The following EXOC2 variants were observed in gnomAD, a reference collection of about 807,000 sequenced individuals.
EXOC2 encodes exocyst complex component 2.
Under a neutral mutation model 131.8 loss-of-function variants are expected in EXOC2, and 70 were observed. The observed-to-expected ratio is 0.53, with a 90% CI of 0.44 to 0.65. The LOEUF is 0.65. EXOC2 is among the 30% of genes least tolerant of loss of function. EXOC2 has a pLI of 0.00. For synonymous variants in EXOC2, 411 were observed against 398.4 expected, an observed-to-expected ratio of 1.03 and a Z score of -0.38; for missense variants, 923 against 1,108.6, an observed-to-expected ratio of 0.83 and a Z score of 2.38.
intron 23 of EXOC2, among the ~76,000 whole-genome samples, chr6:512,318 C>T (rs1764897679): frequency 6.6e-6 from 1 of 152,222 alleles, no homozygotes; most frequent in Non-Finnish European, 1.5e-5. Flanking sequence ...AAACCAGCTC[C>T]GATCCTCCTC....
At chr6:595,598 T>C (rs1469342105) in intron 10 of EXOC2, among the ~76,000 whole-genome samples, 1 of 152,066 alleles carries the variant, frequency 6.6e-6, no homozygotes, top group Non-Finnish European at 1.5e-5. Flanking sequence ...GTAAGTTATA[T>C]ACTCATAAAA....
At chr6:488,941 C>A (rs1763258276) in intron 27 of EXOC2, 38 bp downstream of exon 27, 1 of 1,594,328 alleles carries the variant, frequency 6.3e-7, no homozygotes, top group African/African-American at 1.3e-5. Flanking sequence ...TTGTTGAGCA[C>A]ATTCAACTGG....
intron 17 of EXOC2, among the ~76,000 whole-genome samples, chr6:558,830 A>C (rs1374218646): frequency 6.6e-6 from 1 of 152,138 alleles, no homozygotes; most frequent in Admixed American, 6.5e-5. Flanking sequence ...TAAAAATTAA[A>C]AAAAAAATAA....
intron 1 of EXOC2, among the ~76,000 whole-genome samples, chr6:660,338 G>C (rs1015317314): frequency 2.0e-5 from 3 of 152,154 alleles, no homozygotes; most frequent in Admixed American, 6.5e-5. Flanking sequence ...AGGCCAACTA[G>C]CACCAAACTA....
chr6:586,011 G>A (rs1305023400), intron 11 of EXOC2, among the ~76,000 whole-genome samples: 5 of 152,128 alleles, frequency 3.3e-5, no homozygotes, highest in Non-Finnish European at 5.9e-5. Flanking sequence ...GAGAAAACCC[G>A]CATAAAAACA....
chr6:658,629 AATATATATATATATTTTATATATAT>A (rs1270215774), intron 1 of EXOC2, among the ~76,000 whole-genome samples: 3 of 119,922 alleles, frequency 2.5e-5, no homozygotes, highest in East Asian at 4.0e-4. Flanking sequence ...GGATATTTAA[AATATATATATATATTTTATATATAT>A]ATATATATAT....
intron 1 of EXOC2, among the ~76,000 whole-genome samples, chr6:690,575 C>T (rs539688706): frequency 6.6e-6 from 1 of 152,142 alleles, no homozygotes; most frequent in Non-Finnish European, 1.5e-5. Context: ...TGGTGACGGG[C>T]GCCTGTAGTC....
At chr6:647,674 G>A (rs992131025) in intron 1 of EXOC2, among the ~76,000 whole-genome samples, 2 of 137,994 alleles carry the variant, frequency 1.4e-5, no homozygotes, top group East Asian at 4.2e-4. Flanking sequence ...ACTCTGGTGT[G>A]AAACATAACT....
intron 1 of EXOC2, among the ~76,000 whole-genome samples, chr6:664,491 A>C (rs2127765539): frequency 6.6e-6 from 1 of 152,356 alleles, no homozygotes; most frequent in South Asian, 2.1e-4. Context: ...AGCAAGACTA[A>C]GCAAAAACAA....
chr6:600,011 T>TA (rs957419886), intron 7 of EXOC2, among the ~76,000 whole-genome samples: 4 of 152,216 alleles, frequency 2.6e-5, no homozygotes, highest in Non-Finnish European at 4.4e-5. Flanking sequence ...AGAAAAAAGA[T>TA]AAACTGTTTT....
At chr6:681,904 C>T (rs1764420359) in intron 1 of EXOC2, among the ~76,000 whole-genome samples, 1 of 152,206 alleles carries the variant, frequency 6.6e-6, no homozygotes, top group Admixed American at 6.5e-5. Context: ...AGAGCAAAAC[C>T]CTGGTCCTTT....
rs372325615 is a variant in EXOC2 at position 624,354 on chromosome 6, T to C, written c.423-4811A>G. Among the ~76,000 whole-genome samples the C allele has an allele frequency of 1.1e-4, 17 of 152,356 alleles. No homozygotes were observed. The East Asian group carries it at 1.2e-3, about 10-fold the overall frequency. Reference sequence around the variant, plus strand: ...ATAATCTCGAGAAGTTATTCCATTATGAATGGATCACCATACCTTCCTCTT... The same window carrying C: ...ATAATCTCGAGAAGTTATTCCATTACGAATGGATCACCATACCTTCCTCTT... On this transcript the variant is annotated intron_variant, in intron 4 of 27. Transcript: ENST00000230449.
At position 486,716 on chromosome 6, in the gene EXOC2, C is replaced by G; in HGVS notation, c.2730G>C (p.Gln910His). 1.2e-6 allele frequency: 2 copies of G among 1,614,118 alleles called. No homozygotes were observed. Among genetic ancestry groups the G allele is most frequent in the Non-Finnish European group, 1.7e-6 (2 of 1,180,026 alleles). ...LNKFKSSMHLQLTCFQAASST... is the reference protein window; with the variant it reads ...LNKFKSSMHLHLTCFQAASST... ...AAGAAGCTGCTTGGAAACAGGTGAG[C>G]TGCAAGTGCATGCTACTCTTGAACT... The change falls in exon 28 of 28, where the codon CAG becomes CAC. Residue 910 changes from glutamine to histidine, a missense_variant. Transcript: ENST00000230449.
chr6:502,063 C>T (rs1330315743), intron 23 of EXOC2, among the ~76,000 whole-genome samples: 1 of 152,150 alleles, frequency 6.6e-6, no homozygotes, highest in Non-Finnish European at 1.5e-5. Flanking sequence ...CTCTGGGCAG[C>T]CCCACCCAGG....
chr6:505,941 C>A (rs1764522597), intron 23 of EXOC2, among the ~76,000 whole-genome samples: 1 of 152,168 alleles, frequency 6.6e-6, no homozygotes, highest in South Asian at 2.1e-4. Flanking sequence ...ATAAACACAT[C>A]AGAGAAAAAC....
chr6:635,852 A>G (rs1357965688), intron 2 of EXOC2, among the ~76,000 whole-genome samples: 1 of 152,242 alleles, frequency 6.6e-6, no homozygotes, highest in Non-Finnish European at 1.5e-5. Flanking sequence ...CACGAGGTCA[A>G]GAGATTGTGA....
At chr6:604,708 G>A (rs1018811618) in intron 7 of EXOC2, among the ~76,000 whole-genome samples, 2 of 147,780 alleles carry the variant, frequency 1.4e-5, no homozygotes, top group Non-Finnish European at 3.0e-5. Flanking sequence ...CTGAACTCAC[G>A]CGCTGGCCCT....
At chr6:587,929 T>C (rs1319547718) in intron 11 of EXOC2, among the ~76,000 whole-genome samples, 1 of 152,218 alleles carries the variant, frequency 6.6e-6, no homozygotes, top group Non-Finnish European at 1.5e-5. Flanking sequence ...TAATTATGGA[T>C]AAAATGATGT....
At chr6:612,620 C>CT (rs1760771016) in intron 6 of EXOC2, among the ~76,000 whole-genome samples, 1 of 152,112 alleles carries the variant, frequency 6.6e-6, no homozygotes, top group African/African-American at 2.4e-5. Flanking sequence ...ACTTAGATAA[C>CT]TGAGTCCCAG....
Sources: gnomAD v4.1 joint callset for allele counts (sites outside exome capture counted in the v4.1 genomes callset) on GRCh38, gnomAD v4.1.1 for gene constraint, MANE v1.5 for transcripts, NCBI Gene and HGNC (gene_info 2026-07-23, HGNC 2026-07-21) for gene names.